CRELD2: variants seen among roughly 807,000 people sequenced by gnomAD.
CRELD2 encodes CRELD disulfide isomerase 2.
In CRELD2, 33 loss-of-function variants were observed where a neutral mutation model predicts 48.1. The ratio of observed to expected loss-of-function variants is 0.69; its 90% CI spans 0.52 to 0.92. The LOEUF (loss-of-function observed/expected upper bound fraction) is 0.92, where lower values mean the gene tolerates loss of function less well. CRELD2 is among the 40% of genes least tolerant of loss of function. The probability of loss-of-function intolerance (pLI) is 0.00; values close to 1 mark genes in which losing one functional copy is unlikely to be tolerated. For missense variants in CRELD2, 477 were observed against 482.4 expected (o/e 0.99, Z 0.10); for synonymous variants, 220 against 203.9 (o/e 1.08, Z -0.67).
chr22:49,921,357 G>A (rs1054070635), intron 4 of CRELD2: 18 of 557,658 alleles, frequency 3.2e-5, no homozygotes, highest in South Asian at 1.4e-4. Flanking sequence ...CATGCAGCAC[G>A]TGGCCATAGT....
chr22:49,919,328 C>T lies in CRELD2; in HGVS notation c.212+16C>T, dbSNP rs372301596. Reference sequence around the variant, plus strand: ...ACGAGTCCAGGTGGGTGCCCTGGAGCACCCCTGTGGGTCTTGGCCTGGCGC... The same window carrying T: ...ACGAGTCCAGGTGGGTGCCCTGGAGTACCCCTGTGGGTCTTGGCCTGGCGC... On this transcript the variant is annotated intron_variant, in intron 2 of 9. Transcript: ENST00000328268. 1.7e-4 allele frequency: 273 copies of T among 1,610,064 alleles called. No homozygotes were observed. The African/African-American group carries it at 2.9e-3, about 17-fold the overall frequency.
intron 2 of CRELD2, among the ~76,000 whole-genome samples, 198 bp from the exon 3 acceptor site, chr22:49,919,532 C>T (rs2146634816): frequency 6.6e-6 from 1 of 152,370 alleles, no homozygotes; most frequent in Non-Finnish European, 1.5e-5. Flanking sequence ...CAGACAGTGG[C>T]TTTTCAAAAT....
At position 49,927,296 on chromosome 22, in the gene CRELD2, G is replaced by A. The variant is rs756156702; in HGVS notation, c.1051G>A (p.Glu351Lys). 7 of 1,612,010 alleles carry A rather than the reference G, an allele frequency of 4.3e-6. No individual in the cohort carries two copies. Among genetic ancestry groups the A allele is most frequent in the Admixed American group, 1.7e-5 (1 of 59,988 alleles). Residue 351 changes from glutamate (E) to lysine (K), a missense_variant, in exon 10 of 10, where the codon GAA (glutamate) becomes AAA (lysine). By Grantham distance (56) the Glu-to-Lys change is moderately conservative. Transcript: ENST00000328268. ...AAGCCCGACACAGCTGCCCTCCCGC[G>A]AAGACCTGTAATGTGCCGGACTTAC... ...GESPTQLPSR[E>K]DL
At chr22:49,921,828 C>G in intron 5 of CRELD2, 67 bp downstream of exon 5, 1 of 1,518,584 alleles carries the variant, frequency 6.6e-7, no homozygotes, top group Non-Finnish European at 8.9e-7. Context: ...GCTGGAGCTG[C>G]CTGCCTAGAT....
At chr22:49,922,891 AG>A (rs2060713904) in intron 6 of CRELD2, among the ~76,000 whole-genome samples, 184 bp downstream of exon 6, 1 of 14,558 alleles carries the variant, frequency 6.9e-5, no homozygotes, top group Non-Finnish European at 1.1e-4. Context: ...GGTGTGGGGG[AG>A]CATGAGGTGG....
Position 49,921,610 on chromosome 22 carries a change from C to T in CRELD2, c.441C>T (p.Pro147=), listed in dbSNP as rs2060687704. 1 of 1,612,782 alleles carries T rather than the reference C, an allele frequency of 6.2e-7. No homozygotes were observed. The highest frequency in any genetic ancestry group is 1.3e-5 in the African/African-American group (1 of 75,042). The change falls in exon 5 of 10, where the codon CCC becomes CCT. Residue 147 remains proline, a synonymous_variant. Coordinates refer to ENST00000328268, the MANE Select transcript of CRELD2 (RefSeq NM_024324.5). Reference sequence around the variant, plus strand: ...CATGCCAGGGCGGATCCCAGAGGCCCTGCAGCGGGAATGGCCACTGCAGCG... The same window carrying T: ...CATGCCAGGGCGGATCCCAGAGGCCTTGCAGCGGGAATGGCCACTGCAGCG... The part of the protein sequence containing the change: ...CLACQGGSQR[P]CSGNGHCSGD...
At chr22:49,922,485 T>C (rs1569185278) in intron 5 of CRELD2, 127 bp from the exon 6 acceptor site, 4 of 1,537,034 alleles carry the variant, frequency 2.6e-6, no homozygotes, top group Non-Finnish European at 3.5e-6. Context: ...CTGAGAATTT[T>C]AAATTCATGG....
chr22:49,919,543 G>T (rs2060655045), intron 2 of CRELD2, among the ~76,000 whole-genome samples, 187 bp from the exon 3 acceptor site: 1 of 152,226 alleles, frequency 6.6e-6, no homozygotes, highest in African/African-American at 2.4e-5. Context: ...TTTTCAAAAT[G>T]TAAACTGGAA....
intron 6 of CRELD2, 50 bp from the exon 7 acceptor site, chr22:49,923,184 C>A (rs752513741): frequency 1.2e-5 from 17 of 1,446,612 alleles, no homozygotes; most frequent in South Asian, 2.8e-5. Flanking sequence ...CTTCCCCGCT[C>A]CCTGGCCGGG....
At chr22:49,919,638 C>T (rs961069562) in intron 2 of CRELD2, 92 bp from the exon 3 acceptor site, 48 of 934,604 alleles carry the variant, frequency 5.1e-5, no homozygotes, top group Admixed American at 1.1e-4. Flanking sequence ...CCTGGCTCCC[C>T]GGCCCCTGCA....
rs1248210088 is a variant in CRELD2 at position 49,919,845 on chromosome 22, G to T, written c.323+5G>T. The T allele has an allele frequency of 6.3e-7, 1 of 1,581,920 alleles. No homozygotes were observed. Among genetic ancestry groups the T allele is most frequent in the Non-Finnish European group, 8.7e-7 (1 of 1,154,796 alleles). Reference sequence around the variant, plus strand: ...GGAGGCCTGGTGGCTGCAGCTGTGAGTGCCTTAAAACCTCTTAGAAGATAC... The same window carrying T: ...GGAGGCCTGGTGGCTGCAGCTGTGATTGCCTTAAAACCTCTTAGAAGATAC... On this transcript the variant is annotated splice_donor_5th_base_variant and intron_variant, in intron 3 of 9. Coordinates refer to ENST00000328268, the MANE Select transcript of CRELD2 (RefSeq NM_024324.5).
In CRELD2 at chr22:49,924,417, G is replaced by A. The variant is rs914007513; in HGVS notation, c.830G>A (p.Cys277Tyr). 8 of 1,612,362 alleles carry A rather than the reference G, an allele frequency of 5.0e-6. No homozygotes were observed. Among genetic ancestry groups the A allele is most frequent in the Admixed American group, 1.7e-5 (1 of 59,880 alleles). ...GAAGGCCCAGGAAACTGTAAAGAGTGTATCTCTGGCTACGCGAGGGAGCAC... is the reference window on the plus strand; with the variant it reads ...GAAGGCCCAGGAAACTGTAAAGAGTATATCTCTGGCTACGCGAGGGAGCAC... ...TGEGPGNCKECISGYAREHGQ... is the reference protein window; with the variant it reads ...TGEGPGNCKEYISGYAREHGQ... Residue 277 changes from cysteine to tyrosine, a missense_variant, in exon 8 of 10, where the codon TGT (cysteine) becomes TAT (tyrosine). Coordinates refer to ENST00000328268, the MANE Select transcript of CRELD2 (RefSeq NM_024324.5).
intron 8 of CRELD2, 61 bp from the exon 9 acceptor site, chr22:49,925,356 C>G: frequency 9.2e-7 from 1 of 1,086,100 alleles, no homozygotes; most frequent in Non-Finnish European, 1.4e-6. Flanking sequence ...GAATGAATTT[C>G]ATAATCCGCT....
At chr22:49,923,205 C>T (rs1394403071) in intron 6 of CRELD2, 29 bp from the exon 7 acceptor site, 22 of 1,528,818 alleles carry the variant, frequency 1.4e-5, no homozygotes, top group Non-Finnish European at 1.8e-5. Context: ...CTGTCCTGGG[C>T]CGCTCACAGC....
Position 49,921,232 on chromosome 22 carries a change from A to G in CRELD2, c.416-353A>G, listed in dbSNP as rs184516155. The G allele has an allele frequency of 4.0e-5, 10 of 249,920 alleles. No homozygotes were observed. The Admixed American group carries it at 4.0e-4, about 10-fold the overall frequency. 15.5% of individuals were successfully genotyped at this position (249,920 alleles called of 1,614,324 possible). A position where few individuals can be genotyped will look rare whatever the true frequency, so the allele number is the denominator to read the frequency against. On this transcript the variant is annotated intron_variant, in intron 4 of 9. Transcript: ENST00000328268. ...GTGTCACCTGAACACATCTAAACAT[A>G]GAACAGGTAATGAGGCACATTGTGA...
chr22:49,924,257 G>A lies in CRELD2; in HGVS notation c.773-103G>A. On this transcript the variant is annotated intron_variant, in intron 7 of 9. Transcript: ENST00000328268. ...AAAGTCACTTGGTGATGAATGAGGA[G>A]AAAACCCAAATCCTGGCGGCACCGG... The A allele has an allele frequency of 5.3e-6, 4 of 754,706 alleles. No individual in the cohort carries two copies. In the Admixed American group the frequency reaches 9.5e-5, roughly 18 times the overall value. The allele number at this position is 754,706 out of a possible 1,614,324, so 46.8% of individuals were successfully genotyped here.
intron 7 of CRELD2, 53 bp downstream of exon 7, chr22:49,923,370 C>T (rs1260063825): frequency 7.6e-7 from 1 of 1,317,622 alleles, no homozygotes; most frequent in Non-Finnish European, 1.1e-6. Context: ...TTCGTTGCTG[C>T]CTTTGTCAAC....
At chr22:49,926,145 A>G (rs948751761) in intron 9 of CRELD2, 5 of 153,694 alleles carry the variant, frequency 3.3e-5, no homozygotes, top group African/African-American at 1.2e-4. Flanking sequence ...CCGTGTCTTC[A>G]CGTGGTCTCC....
In CRELD2 at chr22:49,919,767, G is replaced by A. The variant is rs150893248; in HGVS notation, c.250G>A (p.Glu84Lys). 6.2e-6 allele frequency: 10 copies of A among 1,612,332 alleles called. No homozygotes were observed. The Admixed American group carries it at 8.4e-5, about 13-fold the overall frequency. Residue 84 changes from glutamate (E) to lysine (K), a missense_variant, in exon 3 of 10, where the codon GAG (glutamate) becomes AAG (lysine). Glu to Lys is a moderately conservative substitution (Grantham distance 56, BLOSUM62 1). Transcript: ENST00000328268. ...GCTGGAGATCCTGGAGGGGCTGTGCGAGAGCAGCGACTTCGAATGCAATCA... is the reference window on the plus strand; with the variant it reads ...GCTGGAGATCCTGGAGGGGCTGTGCAAGAGCAGCGACTTCGAATGCAATCA... ...RLLEILEGLC[E>K]SSDFECNQML...
Sources: gnomAD v4.1 joint callset for allele counts (sites outside exome capture counted in the v4.1 genomes callset) on GRCh38, gnomAD v4.1.1 for gene constraint, MANE v1.5 for transcripts, NCBI Gene and HGNC (gene_info 2026-07-23, HGNC 2026-07-21) for gene names.